Variants in CYFIP1 observed in about 807,000 individuals in gnomAD.
CYFIP1 encodes cytoplasmic FMR1-interacting protein 1.
A neutral mutation model predicts 163.5 loss-of-function variants in CYFIP1; 58 were observed. The observed-to-expected ratio is 0.35, with a 90% CI of 0.29 to 0.44. The LOEUF is 0.44. Among genes scored for constraint, CYFIP1 ranks in the 20% least tolerant of loss-of-function variants. The probability of loss-of-function intolerance (pLI) is 1.00; values close to 1 mark genes in which losing one functional copy is unlikely to be tolerated. For synonymous variants in CYFIP1, 663 were observed against 660.7 expected (o/e 1.00, Z -0.05); for missense variants, 1,338 against 1,653.8 (o/e 0.81, Z 3.31).
intron 24 of CYFIP1, 101 bp downstream of exon 24, chr15:22,882,767 C>T: frequency 1.5e-6 from 2 of 1,374,700 alleles, no homozygotes; most frequent in Non-Finnish European, 2.0e-6. Flanking sequence ...TGAACGAATC[C>T]AGCTGTTGGA....
chr15:22,910,601 T>C lies in CYFIP1; in HGVS notation c.2187A>G (p.Ser729=), dbSNP rs1385844733. ...TCGTGGCTCCCTGATTCTTGCATTC[T>C]GATCGTAACCGTTTATCAAGAAGCA... ...GSLLLDKRLR[S]ECKNQGATIH... The change falls in exon 20 of 31, where the codon TCA becomes TCG. Residue 729 remains serine (S), a synonymous_variant. Coordinates refer to ENST00000617928, the MANE Select transcript of CYFIP1 (RefSeq NM_014608.6). 7 of 1,614,088 alleles carry C rather than the reference T, an allele frequency of 4.3e-6. No individual in the cohort carries two copies. Among genetic ancestry groups the C allele is most frequent in the Non-Finnish European group, 5.9e-6 (7 of 1,180,022 alleles).
At chr15:22,960,133 CA>C (rs1360541547) in intron 1 of CYFIP1, among the ~76,000 whole-genome samples, 3 of 152,324 alleles carry the variant, frequency 2.0e-5, no homozygotes, top group African/African-American at 7.2e-5. Flanking sequence ...AGCCCGTGGG[CA>C]GAGTGTCTCC....
intron 22 of CYFIP1, among the ~76,000 whole-genome samples, chr15:22,901,595 T>C (rs1358317458): frequency 1.3e-5 from 2 of 152,174 alleles, no homozygotes; most frequent in African/African-American, 4.8e-5. Flanking sequence ...TGCAGCACTG[T>C]CACACATTTA....
chr15:22,948,483 A>T (rs895489778), intron 1 of CYFIP1, among the ~76,000 whole-genome samples: 1 of 152,186 alleles, frequency 6.6e-6, no homozygotes, highest in Non-Finnish European at 1.5e-5. Context: ...AAATAAAAAT[A>T]TCAACATCCT....
chr15:22,897,710 C>T (rs1364340062), intron 22 of CYFIP1, among the ~76,000 whole-genome samples: 1 of 152,138 alleles, frequency 6.6e-6, no homozygotes, highest in Non-Finnish European at 1.5e-5. Context: ...TCTCGAACTC[C>T]TGACCTCAAG....
intron 11 of CYFIP1, among the ~76,000 whole-genome samples, chr15:22,930,486 G>A (rs1406053301): frequency 1.3e-5 from 2 of 151,032 alleles, no homozygotes; most frequent in African/African-American, 4.9e-5. Context: ...TGCCACCTAA[G>A]GATGCTCCAG....
At chr15:22,950,542 GT>G (rs1434736954) in intron 1 of CYFIP1, among the ~76,000 whole-genome samples, 1 of 152,206 alleles carries the variant, frequency 6.6e-6, no homozygotes, top group Non-Finnish European at 1.5e-5. Context: ...CCGAATCTCA[GT>G]TTCACTTTCC....
At chr15:22,872,551 A>G (rs908116894) in intron 30 of CYFIP1, 9 of 386,510 alleles carry the variant, frequency 2.3e-5, no homozygotes, top group African/African-American at 1.4e-4. Context: ...CCCGAAGACT[A>G]TAGTTGCCAA....
At chr15:22,905,782 C>T (rs1298669588) in intron 21 of CYFIP1, among the ~76,000 whole-genome samples, 8 of 150,296 alleles carry the variant, frequency 5.3e-5, no homozygotes, top group South Asian at 2.1e-4. Context: ...TGTTTTGAGA[C>T]GGAGTCTCGC....
chr15:22,947,875 G>T (rs1833047551), intron 1 of CYFIP1: 1 of 916,260 alleles, frequency 1.1e-6, no homozygotes, highest in Non-Finnish European at 1.3e-6. Context: ...CTGGAGCAGA[G>T]GTGCAGAAAT....
chr15:22,903,096 C>T (rs2060449876), intron 22 of CYFIP1, among the ~76,000 whole-genome samples: 1 of 152,182 alleles, frequency 6.6e-6, no homozygotes, highest in Non-Finnish European at 1.5e-5. Context: ...GGCCAGGCAC[C>T]TTGCTTGGTG....
intron 1 of CYFIP1, among the ~76,000 whole-genome samples, chr15:22,969,337 A>G (rs1489003203): frequency 6.6e-6 from 1 of 152,164 alleles, no homozygotes; most frequent in African/African-American, 2.4e-5. Context: ...AAGGAAATGC[A>G]GTCGTAATAA....
At chr15:22,899,978 A>G (rs2060343297) in intron 22 of CYFIP1, among the ~76,000 whole-genome samples, 1 of 152,084 alleles carries the variant, frequency 6.6e-6, no homozygotes, top group African/African-American at 2.4e-5. Context: ...AACCTACTGG[A>G]GGTTGCAGTG....
chr15:22,979,125 C>T (rs2063378833), intron 1 of CYFIP1, among the ~76,000 whole-genome samples: 1 of 152,160 alleles, frequency 6.6e-6, no homozygotes, highest in Non-Finnish European at 1.5e-5. Context: ...GTGAGGGCAC[C>T]GGCACTATAT....
At chr15:22,894,210 C>CA (rs2060160237) in intron 22 of CYFIP1, among the ~76,000 whole-genome samples, 1 of 150,076 alleles carries the variant, frequency 6.7e-6, no homozygotes, top group African/African-American at 2.5e-5. Flanking sequence ...AATGGAAAAT[C>CA]AGAGTAAAAA....
chr15:22,935,130 G>A (rs2061673326), intron 9 of CYFIP1, among the ~76,000 whole-genome samples: 1 of 152,164 alleles, frequency 6.6e-6, no homozygotes, highest in Non-Finnish European at 1.5e-5. Flanking sequence ...CATCTCCAAA[G>A]GTGAAGGGAT....
intron 6 of CYFIP1, 64 bp from the exon 7 acceptor site, chr15:22,939,571 A>AAAT: frequency 9.2e-7 from 1 of 1,088,798 alleles, no homozygotes; most frequent in Non-Finnish European, 1.3e-6. Flanking sequence ...AAAAAAAAAA[A>AAAT]AAAAAAAAAA....
At chr15:22,892,867 A>C (rs1340049909) in intron 23 of CYFIP1, 23 bp downstream of exon 23, 2 of 1,574,962 alleles carry the variant, frequency 1.3e-6, no homozygotes, top group Non-Finnish European at 1.7e-6. Flanking sequence ...TCAAGCTCGT[A>C]ACACGAACAC....
intron 23 of CYFIP1, among the ~76,000 whole-genome samples, chr15:22,891,318 G>A (rs1416773331): frequency 2.0e-5 from 3 of 152,092 alleles, no homozygotes; most frequent in South Asian, 2.1e-4. Context: ...CCAGCTACTC[G>A]GGAGGTTGAG....
Sources: gnomAD v4.1 joint callset for allele counts (sites outside exome capture counted in the v4.1 genomes callset) on GRCh38, gnomAD v4.1.1 for gene constraint, MANE v1.5 for transcripts, NCBI Gene and HGNC (gene_info 2026-07-23, HGNC 2026-07-21) for gene names.